The following PLEKHH2 variants were observed in gnomAD, a reference collection of about 807,000 sequenced individuals.
PLEKHH2 encodes pleckstrin homology domain-containing family H member 2.
A neutral mutation model predicts 187.9 loss-of-function variants in PLEKHH2; 129 were observed. The observed-to-expected ratio is 0.69, with a 90% CI of 0.59 to 0.79. PLEKHH2 has a LOEUF of 0.79. Ranked by LOEUF, PLEKHH2 falls within the 30% of genes least tolerant of loss-of-function variation. PLEKHH2 has a pLI of 0.00. For synonymous variants in PLEKHH2, 686 were observed against 605.6 expected (o/e 1.13, Z -1.95); for missense variants, 2,076 against 1,751.2 (o/e 1.19, Z -3.31).
chr2:43,669,511 G>C (rs540954761), intron 2 of PLEKHH2, among the ~76,000 whole-genome samples: 1 of 151,896 alleles, frequency 6.6e-6, no homozygotes, highest in South Asian at 2.1e-4. Flanking sequence ...TTAACCAAAA[G>C]ACATTAACAA....
intron 12 of PLEKHH2, 31 bp downstream of exon 12, chr2:43,710,157 G>T (rs1173006776): frequency 6.2e-7 from 1 of 1,610,096 alleles, no homozygotes; most frequent in Non-Finnish European, 8.5e-7. Context: ...TTAAAAAGCA[G>T]TCAGTCAGAT....
intron 24 of PLEKHH2, among the ~76,000 whole-genome samples, chr2:43,749,121 C>G: frequency 6.6e-6 from 1 of 152,010 alleles, no homozygotes; most frequent in Admixed American, 6.6e-5. Context: ...AGTATGATGG[C>G]TATGATTGGA....
intron 9 of PLEKHH2, among the ~76,000 whole-genome samples, chr2:43,704,523 C>T (rs1281504310): frequency 2.6e-5 from 4 of 151,758 alleles, no homozygotes; most frequent in Non-Finnish European, 5.9e-5. Flanking sequence ...ATTAGCCGGG[C>T]GTGGTGGCGG....
intron 17 of PLEKHH2, among the ~76,000 whole-genome samples, chr2:43,727,299 C>A (rs375026699): frequency 6.6e-6 from 1 of 151,140 alleles, no homozygotes; most frequent in African/African-American, 2.4e-5. Flanking sequence ...GTAATCCCAG[C>A]TACTTGGGAG....
intron 16 of PLEKHH2, among the ~76,000 whole-genome samples, chr2:43,725,883 G>A (rs145292109): frequency 0.015 from 2,220 of 152,220 alleles, 29 homozygotes; most frequent in Admixed American, 0.019. Flanking sequence ...GGCTGAGGCA[G>A]GAGGATTCTT....
chr2:43,720,134 A>G (rs933020493), intron 15 of PLEKHH2, among the ~76,000 whole-genome samples: 1 of 152,200 alleles, frequency 6.6e-6, no homozygotes, highest in Non-Finnish European at 1.5e-5. Context: ...ATAATTTCCC[A>G]TAATCCACCC....
chr2:43,692,462 T>C, intron 3 of PLEKHH2, 52 bp from the exon 4 acceptor site: 1 of 1,422,066 alleles, frequency 7.0e-7, no homozygotes, highest in South Asian at 1.3e-5. Context: ...GGTTTAATAC[T>C]GTGATAACCT....
intron 2 of PLEKHH2, among the ~76,000 whole-genome samples, chr2:43,645,536 T>C (rs995483308): frequency 6.6e-6 from 1 of 152,142 alleles, no homozygotes; most frequent in Non-Finnish European, 1.5e-5. Context: ...ACACTTCAGA[T>C]AAGGCTAGTT....
At chr2:43,746,942 C>G (rs1671803019) in intron 24 of PLEKHH2, among the ~76,000 whole-genome samples, 1 of 151,844 alleles carries the variant, frequency 6.6e-6, no homozygotes, top group Admixed American at 6.6e-5. Flanking sequence ...TGCACTCCAG[C>G]CTGGACGACA....
chr2:43,668,753 C>T (rs1004513259), intron 2 of PLEKHH2, among the ~76,000 whole-genome samples: 1 of 152,066 alleles, frequency 6.6e-6, no homozygotes, highest in East Asian at 1.9e-4. Flanking sequence ...AGGGAGGATC[C>T]CTTGAGCCCA....
At chr2:43,727,842 C>G (rs897315463) in intron 17 of PLEKHH2, among the ~76,000 whole-genome samples, 1 of 152,128 alleles carries the variant, frequency 6.6e-6, no homozygotes, top group Non-Finnish European at 1.5e-5. Context: ...TCTGCTACCT[C>G]TCATATGATT....
chr2:43,736,099 G>A (rs980813976), intron 19 of PLEKHH2, among the ~76,000 whole-genome samples: 14 of 152,108 alleles, frequency 9.2e-5, no homozygotes, highest in African/African-American at 2.9e-4. Flanking sequence ...GGAACTAACC[G>A]ATGTTATTAG....
intron 3 of PLEKHH2, among the ~76,000 whole-genome samples, chr2:43,686,242 G>T (rs887479575): frequency 6.6e-6 from 1 of 151,678 alleles, no homozygotes; most frequent in Non-Finnish European, 1.5e-5. Context: ...TGTCGCCCAG[G>T]CTGGAGTGCA....
In PLEKHH2 at chr2:43,765,519, G is replaced by T; in HGVS notation, c.4403G>T (p.Arg1468Leu). ...SAPALLSAQT[R>L]GPQARMMGSQ... ...CCAGCACTGCTCTCAGCCCAGACCC[G>T]GGGACCCCAAGCCAGAATGATGGGA... Residue 1468 changes from arginine to leucine, a missense_variant, in exon 30 of 30, where the codon CGG becomes CTG. Arg to Leu is a moderately radical substitution (Grantham distance 102). Transcript: ENST00000282406. The T allele has an allele frequency of 6.2e-7, 1 of 1,613,844 alleles. No homozygotes were observed. Among genetic ancestry groups the T allele is most frequent in the Non-Finnish European group, 8.5e-7 (1 of 1,179,930 alleles).
intron 25 of PLEKHH2, among the ~76,000 whole-genome samples, chr2:43,755,846 T>C (rs1672192371): frequency 6.6e-6 from 1 of 152,150 alleles, no homozygotes; most frequent in Non-Finnish European, 1.5e-5. Context: ...ACAGCAACAA[T>C]GTCCCAGAAG....
rs144248469 is a variant in PLEKHH2 at position 43,732,959 on chromosome 2, T to G, written c.2943+1357T>G. On this transcript the variant is annotated intron_variant, in intron 19 of 29. Transcript: ENST00000282406. ...GCCAACTTTCTGCCTTGTGCTTGTC[T>G]TTGGTCACATCCCCCTCAAACTCTC... is the stretch of plus-strand genomic sequence containing the variant. Among the ~76,000 whole-genome samples, 637 of 146,480 alleles carry G rather than the reference T, an allele frequency of 4.3e-3. 4 individuals carry two copies. Among genetic ancestry groups the G allele is most frequent in the African/African-American group, 0.015 (612 of 41,106 alleles).
At chr2:43,697,543 G>A (rs113318299) in intron 7 of PLEKHH2, among the ~76,000 whole-genome samples, 187 bp downstream of exon 7, 6 of 152,256 alleles carry the variant, frequency 3.9e-5, no homozygotes, top group Middle Eastern at 3.4e-3. Context: ...TTTTCTGAGA[G>A]CCTTTGCATA....
intron 29 of PLEKHH2, 129 bp downstream of exon 29, chr2:43,764,494 T>G: frequency 1.1e-6 from 1 of 919,850 alleles, no homozygotes; most frequent in Non-Finnish European, 1.6e-6. Context: ...GCATTCCAGA[T>G]GGGAAAACAG....
chr2:43,729,462 A>T (rs1670930727), intron 17 of PLEKHH2, among the ~76,000 whole-genome samples, 175 bp from the exon 18 acceptor site: 2 of 152,260 alleles, frequency 1.3e-5, no homozygotes, highest in Non-Finnish European at 2.9e-5. Context: ...ATATAAACAC[A>T]GTTCAAGTGA....
Sources: allele counts gnomAD v4.1 joint callset (sites outside exome capture counted in the v4.1 genomes callset), GRCh38; gene constraint gnomAD v4.1.1; transcripts MANE v1.5; gene names NCBI Gene and HGNC (gene_info 2026-07-23, HGNC 2026-07-21).